Variants in FAM13A observed in about 807,000 individuals in gnomAD.
FAM13A encodes the protein family with sequence similarity 13 member A, also known as protein FAM13A.
A neutral mutation model predicts 129.6 loss-of-function variants in FAM13A; 76 were observed. The observed-to-expected ratio is 0.59, with a 90% CI of 0.49 to 0.71. FAM13A has a LOEUF of 0.71. FAM13A is among the 30% of genes least tolerant of loss of function. The pLI is 0.00. For synonymous variants in FAM13A, 443 were observed against 449.9 expected, an observed-to-expected ratio of 0.98 and a Z score of 0.20; for missense variants, 1,108 against 1,249.3, an observed-to-expected ratio of 0.89 and a Z score of 1.70.
intron 3 of FAM13A, among the ~76,000 whole-genome samples, chr4:89,000,241 TA>T (rs1187121621): frequency 1.3e-5 from 2 of 152,142 alleles, no homozygotes; most frequent in South Asian, 4.1e-4. Context: ...AACTTGTACA[TA>T]AATGTTCATA....
intron 8 of FAM13A, among the ~76,000 whole-genome samples, chr4:88,804,128 C>A (rs554853765): frequency 2.0e-5 from 3 of 152,118 alleles, no homozygotes; most frequent in African/African-American, 7.2e-5. Flanking sequence ...GTGGTGGGTG[C>A]CTGTAATCCC....
chr4:88,920,698 G>A (rs1043109977), intron 5 of FAM13A, among the ~76,000 whole-genome samples: 3 of 152,216 alleles, frequency 2.0e-5, no homozygotes, highest in African/African-American at 4.8e-5. Context: ...AAAGCTGGAC[G>A]GAGAACAACT....
chr4:89,006,540 C>A (rs1362191767), intron 3 of FAM13A, among the ~76,000 whole-genome samples: 1 of 152,186 alleles, frequency 6.6e-6, no homozygotes, highest in African/African-American at 2.4e-5. Context: ...AGAGCGAGCA[C>A]TTTTGGGCTC....
At chr4:88,743,317 G>A (rs1740629988) in intron 19 of FAM13A, among the ~76,000 whole-genome samples, 2 of 152,184 alleles carry the variant, frequency 1.3e-5, no homozygotes, top group Admixed American at 1.3e-4. Flanking sequence ...TTTATCTTTT[G>A]TGACGGTTTT....
chr4:88,767,491 G>A, intron 13 of FAM13A, 62 bp downstream of exon 13: 4 of 1,168,074 alleles, frequency 3.4e-6, no homozygotes, highest in Non-Finnish European at 4.8e-6. Context: ...TATTTCAGAA[G>A]TACACTCAAG....
chr4:88,758,676 T>C (rs1744193437), intron 14 of FAM13A, 78 bp downstream of exon 14: 3 of 1,411,040 alleles, frequency 2.1e-6, no homozygotes, highest in Admixed American at 3.9e-5. Context: ...CACTCTCACA[T>C]AGTTACATGC....
At chr4:88,762,153 G>A (rs562441827) in intron 13 of FAM13A, among the ~76,000 whole-genome samples, 8 of 152,310 alleles carry the variant, frequency 5.3e-5, no homozygotes, top group African/African-American at 9.6e-5. Flanking sequence ...GAAAGGCCCT[G>A]AGGCATGGTC....
intron 21 of FAM13A, 174 bp from the exon 22 acceptor site, chr4:88,732,372 A>G: frequency 2.1e-6 from 1 of 475,642 alleles, no homozygotes; most frequent in Non-Finnish European, 3.7e-6. Flanking sequence ...TGTATTCGAT[A>G]TAAATATACA....
intron 7 of FAM13A, among the ~76,000 whole-genome samples, chr4:88,812,030 C>T (rs996040516): frequency 3.3e-5 from 5 of 152,096 alleles, no homozygotes; most frequent in Non-Finnish European, 7.4e-5. Flanking sequence ...CACTCTCCCC[C>T]CTGCTCATTG....
At chr4:88,913,395 CAA>C (rs1338480441) in intron 5 of FAM13A, among the ~76,000 whole-genome samples, 2 of 99,256 alleles carry the variant, frequency 2.0e-5, no homozygotes, top group Admixed American at 2.6e-4. Context: ...AGGAGGAAGA[CAA>C]AGAAGAAGAA....
At chr4:88,774,560 C>T (rs942133115) in intron 11 of FAM13A, among the ~76,000 whole-genome samples, 15 of 151,988 alleles carry the variant, frequency 9.9e-5, no homozygotes, top group Admixed American at 9.2e-4. Context: ...ACACTGAAAA[C>T]AATGTTTCAG....
intron 6 of FAM13A, among the ~76,000 whole-genome samples, chr4:88,905,523 G>A (rs919267698): frequency 6.6e-6 from 1 of 152,080 alleles, no homozygotes; most frequent in Non-Finnish European, 1.5e-5. Context: ...CCCAGTACCC[G>A]ATACTTATCT....
chr4:88,877,190 G>T (rs1055914876), intron 6 of FAM13A, among the ~76,000 whole-genome samples: 1 of 152,094 alleles, frequency 6.6e-6, no homozygotes, highest in East Asian at 1.9e-4. Flanking sequence ...AACTGATACC[G>T]TTATGTTTTT....
intron 4 of FAM13A, among the ~76,000 whole-genome samples, chr4:88,947,443 C>T (rs1295351385): frequency 2.0e-5 from 3 of 151,998 alleles, no homozygotes; most frequent in Admixed American, 6.6e-5. Context: ...GAAATGAAGT[C>T]GCCCATGCTA....
At chr4:88,815,381 A>G (rs1730528729) in intron 7 of FAM13A, among the ~76,000 whole-genome samples, 1 of 152,142 alleles carries the variant, frequency 6.6e-6, no homozygotes, top group Admixed American at 6.6e-5. Context: ...ACTAAAATCA[A>G]TTTCCATATC....
intron 1 of FAM13A, among the ~76,000 whole-genome samples, chr4:89,046,453 A>G (rs1770872173): frequency 7.5e-6 from 1 of 132,992 alleles, no homozygotes; most frequent in Non-Finnish European, 1.6e-5. Context: ...TTGATGGAAT[A>G]GATTTTCTCA....
chr4:88,893,971 T>C (rs923701107), intron 6 of FAM13A, among the ~76,000 whole-genome samples: 1 of 152,204 alleles, frequency 6.6e-6, no homozygotes, highest in Non-Finnish European at 1.5e-5. Flanking sequence ...ATTCAGTGTC[T>C]CTGGCACAAC....
At chr4:88,959,056 C>T (rs763710977) in intron 4 of FAM13A, among the ~76,000 whole-genome samples, 11 of 152,178 alleles carry the variant, frequency 7.2e-5, no homozygotes, top group Non-Finnish European at 1.6e-4. Flanking sequence ...TAGTGTTTAC[C>T]TAATGCATAT....
intron 4 of FAM13A, among the ~76,000 whole-genome samples, chr4:88,967,502 C>T (rs1759507415): frequency 6.6e-6 from 1 of 152,164 alleles, no homozygotes; most frequent in Non-Finnish European, 1.5e-5. Flanking sequence ...CCATGTGGAA[C>T]ATTTTAACTC....
Sources: allele counts gnomAD v4.1 joint callset (sites outside exome capture counted in the v4.1 genomes callset), GRCh38; gene constraint gnomAD v4.1.1; transcripts MANE v1.5; gene names NCBI Gene and HGNC (gene_info 2026-07-23, HGNC 2026-07-21).